Variants in TFB1M observed in about 807,000 individuals in gnomAD.
TFB1M encodes transcription factor B1, mitochondrial.
Under a neutral mutation model 31.1 loss-of-function variants are expected in TFB1M, and 27 were observed. The ratio of observed to expected loss-of-function variants is 0.87; its 90% CI spans 0.64 to 1.20. The LOEUF is 1.20. Among genes scored for constraint, TFB1M ranks in the 50% most tolerant of loss-of-function variants. The pLI is 0.00. For synonymous variants in TFB1M, 166 were observed against 151.8 expected, an observed-to-expected ratio of 1.09 and a Z score of -0.69; for missense variants, 394 against 418.7, an observed-to-expected ratio of 0.94 and a Z score of 0.51.
the TFB1M span, chr6:155,244,891 C>G: frequency 1.5e-6 from 2 of 1,315,308 alleles, no homozygotes; most frequent in Non-Finnish European, 2.1e-6. Context: ...TGACTATTGA[C>G]TATTTATTGT....
chr6:155,276,058 C>G, intron 5 of TFB1M: 1 of 1,614,120 alleles, frequency 6.2e-7, no homozygotes, highest in Non-Finnish European at 8.5e-7. Context: ...ACAGAGAAAC[C>G]AAGAGCCATG....
chr6:155,270,263 G>A (rs938994960), intron 5 of TFB1M, among the ~76,000 whole-genome samples: 2 of 152,194 alleles, frequency 1.3e-5, no homozygotes, highest in African/African-American at 4.8e-5. Context: ...GTGACGCCAA[G>A]TCAGCAGACA....
chr6:155,240,743 C>T, the TFB1M span: 63,701 of 1,582,504 alleles, frequency 0.04, 1,648 homozygotes, highest in Non-Finnish European at 0.045. Flanking sequence ...GCATTCGTGC[C>T]TCTTTGATGA....
In TFB1M at chr6:155,289,833, T is replaced by C. The variant is rs1445373196; in HGVS notation, c.547-4556A>G. ...AAGGTGATTGGATCAAGGGGGCAGATTTCCCTCTTGCACGACAGTGAGTGA... is the reference window on the plus strand; with the variant it reads ...AAGGTGATTGGATCAAGGGGGCAGACTTCCCTCTTGCACGACAGTGAGTGA... On this transcript the variant is annotated intron_variant, in intron 4 of 6. Coordinates refer to ENST00000367166, the MANE Select transcript of TFB1M (RefSeq NM_016020.4). Among the ~76,000 whole-genome samples the C allele has an allele frequency of 2.6e-5, 4 of 152,258 alleles. No homozygotes were observed. In the East Asian group the frequency reaches 7.7e-4, roughly 29 times the overall value.
intron 5 of TFB1M, among the ~76,000 whole-genome samples, chr6:155,261,639 G>A (rs1005833735): frequency 2.6e-5 from 4 of 152,310 alleles, no homozygotes; most frequent in South Asian, 4.1e-4. Flanking sequence ...TGCCTGAGCT[G>A]TGTCATCAAG....
intron 5 of TFB1M, chr6:155,276,282 G>A (rs770785587): frequency 6.2e-7 from 1 of 1,614,014 alleles, no homozygotes; most frequent in South Asian, 1.1e-5. Flanking sequence ...TGTATAAAAA[G>A]GAATCCAGAA....
intron 4 of TFB1M, among the ~76,000 whole-genome samples, chr6:155,293,168 T>TACATACATACAC (rs1360177207): frequency 2.0e-5 from 3 of 151,662 alleles, no homozygotes; most frequent in African/African-American, 7.3e-5. Context: ...CATACATACA[T>TACATACATACAC]ACATACATAG....
chr6:155,259,974 T>C (rs559660018), intron 6 of TFB1M, among the ~76,000 whole-genome samples: 1 of 152,308 alleles, frequency 6.6e-6, no homozygotes, highest in African/African-American at 2.4e-5. Context: ...AAAAAACCCA[T>C]TATTATCTGT....
At position 155,256,814 on chromosome 6, in the gene TFB1M, AC is replaced by A. The variant is rs760149871; in HGVS notation, c.*1021del. 1.9e-6 allele frequency: 3 copies of A among 1,614,152 alleles called. No homozygotes were observed. The highest frequency in any genetic ancestry group is 2.5e-6 in the Non-Finnish European group (3 of 1,180,026). ...TTCCAGAGACTGAGGATTTCCGAGG[AC>A]CCAGACGTTCACCCCGAGGCTGAGC... On this transcript the variant is annotated 3_prime_UTR_variant, in exon 7 of 7. Transcript: ENST00000367166.
chr6:155,270,342 A>G (rs564196136), intron 5 of TFB1M, among the ~76,000 whole-genome samples: 2 of 152,290 alleles, frequency 1.3e-5, no homozygotes, highest in South Asian at 4.2e-4. Flanking sequence ...CATAAGACTT[A>G]CCTAGGAGAG....
chr6:155,300,515 A>G (rs920050573), intron 2 of TFB1M, among the ~76,000 whole-genome samples: 2 of 152,206 alleles, frequency 1.3e-5, no homozygotes, highest in Non-Finnish European at 2.9e-5. Flanking sequence ...TCAATGGAAA[A>G]CGCTAAAATT....
chr6:155,312,587 A>T (rs547437653), intron 1 of TFB1M, among the ~76,000 whole-genome samples: 3 of 152,194 alleles, frequency 2.0e-5, no homozygotes, highest in Admixed American at 6.5e-5. Flanking sequence ...TTTCAGGCAC[A>T]TTGAAATACA....
chr6:155,235,385 C>T, the TFB1M span, among the ~76,000 whole-genome samples: 892 of 152,294 alleles, frequency 5.9e-3, 12 homozygotes, highest in African/African-American at 0.02. Context: ...TGGACTGCAG[C>T]CCAGGCCTTC....
intron 2 of TFB1M, among the ~76,000 whole-genome samples, chr6:155,304,896 A>T (rs903274797): frequency 2.6e-5 from 4 of 151,426 alleles, no homozygotes; most frequent in Non-Finnish European, 5.9e-5. Flanking sequence ...CAGAATTGGA[A>T]GTTCAGAAAT....
intron 4 of TFB1M, among the ~76,000 whole-genome samples, chr6:155,296,602 T>C (rs1187315195): frequency 6.6e-6 from 1 of 152,074 alleles, no homozygotes; most frequent in Non-Finnish European, 1.5e-5. Flanking sequence ...TTAACTGCCA[T>C]GCCATTAAGC....
At chr6:155,276,191 C>G (rs776946724) in intron 5 of TFB1M, 2 of 1,614,118 alleles carry the variant, frequency 1.2e-6, no homozygotes, top group Non-Finnish European at 1.7e-6. Flanking sequence ...AAGCAACAAA[C>G]ATGAACCTGG....
rs1179218092 is a variant in TFB1M at position 155,275,636 on chromosome 6, A to G, written c.666+9522T>C. 2.2e-6 allele frequency: 3 copies of G among 1,342,038 alleles called. 1 individual carries two copies. The highest frequency in any genetic ancestry group is 2.8e-5 in the South Asian group (2 of 72,598). 83.1% of individuals were successfully genotyped at this position (1,342,038 alleles called of 1,614,324 possible). On this transcript the variant is annotated intron_variant, in intron 5 of 6. Transcript: ENST00000367166. ...CTTAGGCTTTGTTATTTGGTTCTCT[A>G]CTGCACAGAAATAGATAGAATTCTG... is the stretch of plus-strand genomic sequence containing the variant.
intron 4 of TFB1M, 48 bp downstream of exon 4, chr6:155,296,905 T>C: frequency 6.4e-7 from 1 of 1,551,254 alleles, no homozygotes; most frequent in Non-Finnish European, 8.9e-7. Flanking sequence ...TTATTTTGCT[T>C]TGGAATTTGA....
chr6:155,304,117 T>C (rs548497709), intron 2 of TFB1M, among the ~76,000 whole-genome samples: 1 of 151,806 alleles, frequency 6.6e-6, no homozygotes. Context: ...CCAGTCTCTA[T>C]TAAAAATACA....
Sources: gnomAD v4.1 joint callset for allele counts (sites outside exome capture counted in the v4.1 genomes callset) on GRCh38, gnomAD v4.1.1 for gene constraint, MANE v1.5 for transcripts, NCBI Gene and HGNC (gene_info 2026-07-23, HGNC 2026-07-21) for gene names.